The following ARIH2 variants were observed in gnomAD, a reference collection of about 807,000 sequenced individuals.
The protein encoded by ARIH2 is E3 ubiquitin-protein ligase ARIH2.
ARIH2 carries 12 observed loss-of-function variants against 79.8 expected under a neutral mutation model. The ratio of observed to expected loss-of-function variants is 0.15; its 90% confidence interval spans 0.10 to 0.24. The LOEUF is 0.24. Among genes scored for constraint, ARIH2 ranks in the 10% least tolerant of loss-of-function variants. The pLI, the probability that ARIH2 is intolerant of heterozygous loss-of-function variation, is 1.00. For synonymous variants in ARIH2, 224 were observed against 213.9 expected (o/e 1.05, Z -0.41); for missense variants, 301 against 618.3 (o/e 0.49, Z 5.44).
Position 48,964,903 on chromosome 3 carries a change from G to C in ARIH2, c.324-16G>C. The C allele has an allele frequency of 1.2e-6, 2 of 1,610,818 alleles. No individual in the cohort carries two copies. Among genetic ancestry groups the C allele is most frequent in the Non-Finnish European group, 1.7e-6 (2 of 1,177,640 alleles). On this transcript the variant is annotated splice_polypyrimidine_tract_variant and intron_variant, in intron 4 of 15. Coordinates refer to ENST00000356401, the MANE Select transcript of ARIH2 (RefSeq NM_006321.4). ...TTAGCTTCTGATTGCCTTCATTTCT[G>C]CTTTTTGTTTTGTAGATACAAGTCC...
chr3:48,927,631 G>A lies in ARIH2; in HGVS notation c.73G>A (p.Glu25Lys). 1.2e-6 allele frequency: 2 copies of A among 1,601,204 alleles called. No individual in the cohort carries two copies. The highest frequency in any genetic ancestry group is 8.5e-7 in the Non-Finnish European group (1 of 1,170,842). ...CTATGACCCAAATTGTGAGGAAGAGGAAGAAGAAGAAGAAGACGACCCTGG... is the reference window on the plus strand; with the variant it reads ...CTATGACCCAAATTGTGAGGAAGAGAAAGAAGAAGAAGAAGACGACCCTGG... ...EDYDPNCEEE[E>K]EEEEDDPGDI... Residue 25 changes from glutamate (E) to lysine (K), a missense_variant, in exon 3 of 16, where the codon GAA becomes AAA. Physicochemically the swap from Glu to Lys is moderately conservative, Grantham distance 56 (BLOSUM62 1). Transcript: ENST00000356401.
At position 48,949,220 on chromosome 3, in the gene ARIH2, GCATTCTCCTGCCT is replaced by G. The variant is rs2089633514; in HGVS notation, c.256-12389_256-12377del. On this transcript the variant is annotated intron_variant, in intron 3 of 15. Coordinates refer to ENST00000356401, the MANE Select transcript of ARIH2 (RefSeq NM_006321.4). ...GCAAGCTCCACCTCCTGGGTTCATG[GCATTCTCCTGCCT>G]CAGCCTCCTGAGTAGCTGGGACTAC... 7.4e-6 allele frequency: 3 copies of G among 403,782 alleles called. No individual in the cohort carries two copies. The Admixed American group carries it at 7.7e-5, about 10-fold the overall frequency. The allele number at this position is 403,782 out of a possible 1,614,324, so 25.0% of individuals were successfully genotyped here. A position where few individuals can be genotyped will look rare whatever the true frequency, so the allele number is the denominator to read the frequency against.
At chr3:48,968,469 A>C in intron 6 of ARIH2, 65 bp from the exon 7 acceptor site, 1 of 1,542,896 alleles carries the variant, frequency 6.5e-7, no homozygotes. Context: ...TTGGCCTCCC[A>C]AAGTGCTGGG....
At chr3:48,944,597 C>G (rs985958739) in intron 3 of ARIH2, among the ~76,000 whole-genome samples, 4 of 152,070 alleles carry the variant, frequency 2.6e-5, no homozygotes, top group African/African-American at 9.7e-5. Flanking sequence ...AGAGAGTGGG[C>G]CTTTTAGAGG....
At position 48,971,478 on chromosome 3, in the gene ARIH2, C is replaced by T. The variant is rs908162521; in HGVS notation, c.770+774C>T. ...CAGGCTGGTCTCAAACTCCTGACCT[C>T]GTGATCTGCCCGCCTTGGGCTCCCA... On this transcript the variant is annotated intron_variant, in intron 8 of 15. Transcript: ENST00000356401. 2.2e-4 allele frequency among the ~76,000 whole-genome samples: 33 copies of T among 152,284 alleles called. 1 individual carries two copies. The highest frequency in any genetic ancestry group is 6.3e-4 in the African/African-American group (26 of 41,544).
At chr3:48,963,160 G>A (rs1224248763) in intron 4 of ARIH2, among the ~76,000 whole-genome samples, 2 of 152,190 alleles carry the variant, frequency 1.3e-5, no homozygotes, top group Non-Finnish European at 2.9e-5. Context: ...GAGCAAATTC[G>A]TTCCTGATTC....
intron 7 of ARIH2, 141 bp from the exon 8 acceptor site, chr3:48,970,454 C>G (rs1310096644): frequency 1.6e-6 from 1 of 621,282 alleles, no homozygotes; most frequent in Non-Finnish European, 2.9e-6. Context: ...GTTTGGTCTT[C>G]ACATCCTTTC....
chr3:48,946,954 G>C, intron 3 of ARIH2, among the ~76,000 whole-genome samples: 1 of 152,198 alleles, frequency 6.6e-6, no homozygotes, highest in East Asian at 1.9e-4. Context: ...GGTAAAATGA[G>C]AGAGTTCTTA....
At chr3:48,946,746 T>C (rs1175086904) in intron 3 of ARIH2, among the ~76,000 whole-genome samples, 1 of 152,010 alleles carries the variant, frequency 6.6e-6, no homozygotes, top group African/African-American at 2.4e-5. Flanking sequence ...TCTAACCCAT[T>C]GTGGTGCAGG....
At chr3:48,942,645 AT>A (rs745532484) in intron 3 of ARIH2, among the ~76,000 whole-genome samples, 321 of 104,746 alleles carry the variant, frequency 3.1e-3, no homozygotes, top group Middle Eastern at 0.019. Context: ...TGCCCGGCTA[AT>A]TTTTTTTTTT....
intron 3 of ARIH2, among the ~76,000 whole-genome samples, chr3:48,940,602 C>G (rs1396025087): frequency 6.6e-6 from 1 of 151,822 alleles, no homozygotes; most frequent in African/African-American, 2.4e-5. Context: ...GCCTGGCCAA[C>G]ATGGTGAAAC....
chr3:48,933,447 G>C (rs1486584667), intron 3 of ARIH2, among the ~76,000 whole-genome samples: 1 of 151,870 alleles, frequency 6.6e-6, no homozygotes, highest in Non-Finnish European at 1.5e-5. Context: ...ACAGGCGTGA[G>C]CCACCACACT....
At chr3:48,968,678 CCT>C (rs745967883) in intron 7 of ARIH2, 23 bp downstream of exon 7, 3 of 1,598,926 alleles carry the variant, frequency 1.9e-6, no homozygotes, top group African/African-American at 2.7e-5. Context: ...TTTGTTCTGC[CCT>C]CTGTCTTCCC....
rs771517976 is a variant in ARIH2 at position 48,980,427 on chromosome 3, G to A, written c.1188G>A (p.Arg396=). Residue 396 remains arginine (R), a synonymous_variant, in exon 13 of 16, where the codon AGG becomes AGA. Coordinates refer to ENST00000356401, the MANE Select transcript of ARIH2 (RefSeq NM_006321.4). ...YQRIHEKIQE[R]VMNNLGTWID... ...GGATTCACGAGAAGATTCAGGAGAG[G>A]GTCATGAACAATCTGGGGACATGGA... 1 of 1,614,114 alleles carries A rather than the reference G, an allele frequency of 6.2e-7. No homozygotes were observed. The highest frequency in any genetic ancestry group is 1.7e-5 in the Admixed American group (1 of 60,018).
chr3:48,932,305 T>C (rs2086484786), intron 3 of ARIH2, among the ~76,000 whole-genome samples: 1 of 152,172 alleles, frequency 6.6e-6, no homozygotes, highest in East Asian at 1.9e-4. Context: ...TCAAATGAGA[T>C]GAAATGATTG....
At position 48,929,345 on chromosome 3, in the gene ARIH2, T is replaced by C. The variant is rs1049149900; in HGVS notation, c.255+1532T>C. ...CGTCCGTCCGTCCTTCCTTCCTTCCTTTTTTTTTTTGTTTTTTAATTGTGG... is the reference window on the plus strand; with the variant it reads ...CGTCCGTCCGTCCTTCCTTCCTTCCCTTTTTTTTTTGTTTTTTAATTGTGG... On this transcript the variant is annotated intron_variant, in intron 3 of 15. Transcript: ENST00000356401. Among the ~76,000 whole-genome samples the C allele has an allele frequency of 4.9e-5, 7 of 144,112 alleles. No homozygotes were observed. In the East Asian group the frequency reaches 1.4e-3, roughly 29 times the overall value. 94.5% of individuals were successfully genotyped at this position (144,112 alleles called of 152,430 possible).
chr3:48,980,234 A>G, intron 12 of ARIH2, 119 bp from the exon 13 acceptor site: 1 of 1,011,054 alleles, frequency 9.9e-7, no homozygotes, highest in South Asian at 1.6e-5. Context: ...ACTTTGGGGA[A>G]TAAGTTAGAG....
chr3:48,936,701 C>A (rs541407923), intron 3 of ARIH2, among the ~76,000 whole-genome samples: 102 of 152,054 alleles, frequency 6.7e-4, no homozygotes, highest in Non-Finnish European at 1.2e-3. Flanking sequence ...CCACTGCACT[C>A]CAGCCTTGGC....
At chr3:48,970,770 G>A (rs2092176878) in intron 8 of ARIH2, 66 bp downstream of exon 8, 3 of 1,267,912 alleles carry the variant, frequency 2.4e-6, no homozygotes, top group Admixed American at 3.5e-5. Context: ...CACCACTGCT[G>A]TTGCTCCATG....
Sources: allele counts gnomAD v4.1 joint callset (sites outside exome capture counted in the v4.1 genomes callset), GRCh38; gene constraint gnomAD v4.1.1; transcripts MANE v1.5; gene names NCBI Gene and HGNC (gene_info 2026-07-23, HGNC 2026-07-21).